NAV2: variants seen among roughly 807,000 people sequenced by gnomAD.
The protein encoded by NAV2 is neuron navigator 2, also known as helicase, APC down-regulated 1.
In NAV2, 54 loss-of-function variants were observed where a neutral mutation model predicts 223.2. The observed-to-expected ratio is 0.24, with a 90% CI of 0.19 to 0.30. The LOEUF (loss-of-function observed/expected upper bound fraction) is 0.30. Ranked by LOEUF, NAV2 falls within the 10% of genes least tolerant of loss-of-function variation. The pLI, the probability that NAV2 is intolerant of heterozygous loss-of-function variation, is 1.00. For synonymous variants in NAV2, 1,279 were observed against 1,239.3 expected (o/e 1.03, Z -0.67); for missense variants, 2,806 against 3,147.5 (o/e 0.89, Z 2.60).
chr11:19,780,599 A>G (rs2152675083), intron 1 of NAV2, among the ~76,000 whole-genome samples: 1 of 152,388 alleles, frequency 6.6e-6, no homozygotes, highest in East Asian at 1.9e-4. Flanking sequence ...GCCTTGTGAC[A>G]TGGGCCAGTT....
At chr11:19,680,440 G>GT (rs2048851756) in intron 1 of NAV2, among the ~76,000 whole-genome samples, 1 of 152,074 alleles carries the variant, frequency 6.6e-6, no homozygotes, top group African/African-American at 2.4e-5. Context: ...CTCCTCTCCA[G>GT]TTTTTAAATA....
intron 1 of NAV2, among the ~76,000 whole-genome samples, chr11:19,675,683 G>A (rs1022696614): frequency 6.6e-6 from 1 of 152,186 alleles, no homozygotes; most frequent in Non-Finnish European, 1.5e-5. Context: ...TTTGTACAGT[G>A]TGTGAGCTGT....
At chr11:19,501,977 T>G (rs1236816798) in intron 1 of NAV2, among the ~76,000 whole-genome samples, 1 of 152,144 alleles carries the variant, frequency 6.6e-6, no homozygotes, top group Non-Finnish European at 1.5e-5. Context: ...GCATTGTAAG[T>G]GAACAGTCGA....
At chr11:19,582,694 C>A (rs1007338696) in intron 1 of NAV2, among the ~76,000 whole-genome samples, 2 of 152,094 alleles carry the variant, frequency 1.3e-5, no homozygotes, top group East Asian at 3.9e-4. Flanking sequence ...GGCATTATTT[C>A]TGAGGGCTCT....
rs965782629 is a variant in NAV2 at position 19,935,702 on chromosome 11, G to T, written c.2033+1425G>T. Among the ~76,000 whole-genome samples, 3 of 151,880 alleles carry T rather than the reference G, an allele frequency of 2.0e-5. No homozygotes were observed. The South Asian group carries it at 6.2e-4, about 32-fold the overall frequency. The stretch of plus-strand genomic sequence containing the variant: ...TTTGTTCTGCTTGCATTCTCCTTCA[G>T]TGAGGGTCATACCAATCTTTTTAAT... On this transcript the variant is annotated intron_variant, in intron 7 of 37. Coordinates refer to ENST00000349880, the MANE Select transcript of NAV2 (RefSeq NM_145117.5).
intron 1 of NAV2, among the ~76,000 whole-genome samples, chr11:19,593,312 C>G: frequency 6.6e-6 from 1 of 152,094 alleles, no homozygotes; most frequent in East Asian, 1.9e-4. Flanking sequence ...GAGATCCATT[C>G]AGGTTGTCTG....
At chr11:19,385,753 C>CCTTTTTTTT (rs1849009774) in intron 1 of NAV2, among the ~76,000 whole-genome samples, 1 of 112,770 alleles carries the variant, frequency 8.9e-6, no homozygotes, top group African/African-American at 3.8e-5. Flanking sequence ...AATATAGCTC[C>CCTTTTTTTT]TTTTTTTTTT....
At chr11:19,471,899 C>T (rs2041977559) in intron 1 of NAV2, among the ~76,000 whole-genome samples, 1 of 152,178 alleles carries the variant, frequency 6.6e-6, no homozygotes, top group Admixed American at 6.5e-5. Flanking sequence ...CTCCCTCCTA[C>T]CTGGGCCTTC....
rs758314788 is a variant in NAV2, at chr11:20,118,126, C to T, written c.7165-7C>T. 35 of 1,613,662 alleles carry T rather than the reference C, an allele frequency of 2.2e-5. No homozygotes were observed. The African/African-American group carries it at 3.9e-4, about 18-fold the overall frequency. On this transcript the variant is annotated splice_region_variant and splice_polypyrimidine_tract_variant and intron_variant, in intron 37 of 37. Coordinates refer to ENST00000349880, the MANE Select transcript of NAV2 (RefSeq NM_145117.5). Reference sequence around the variant, plus strand: ...AAGCAGCTCATGCTTCTCCACTCTTCCCCTAGATGAACATGCTGATGAGGC... The same window carrying T: ...AAGCAGCTCATGCTTCTCCACTCTTTCCCTAGATGAACATGCTGATGAGGC...
intron 20 of NAV2, among the ~76,000 whole-genome samples, chr11:20,064,518 G>A (rs571807145): frequency 6.6e-6 from 1 of 152,224 alleles, no homozygotes; most frequent in East Asian, 1.9e-4. Context: ...ATGGGAGACT[G>A]GCCAGCATTA....
chr11:19,823,758 C>T (rs535179327), intron 1 of NAV2, among the ~76,000 whole-genome samples: 40 of 152,100 alleles, frequency 2.6e-4, no homozygotes, highest in African/African-American at 6.8e-4. Context: ...TCCCTGGGGC[C>T]GGGGCCTGTC....
intron 1 of NAV2, among the ~76,000 whole-genome samples, chr11:19,463,218 G>A (rs1852226909): frequency 6.6e-6 from 1 of 152,192 alleles, no homozygotes; most frequent in South Asian, 2.1e-4. Context: ...TATTTAATGG[G>A]TCCTAAATAA....
intron 1 of NAV2, among the ~76,000 whole-genome samples, chr11:19,544,032 T>G (rs895018051): frequency 1.3e-5 from 2 of 152,270 alleles, no homozygotes; most frequent in Non-Finnish European, 2.9e-5. Context: ...TGATTTGCAC[T>G]GTATTCATTC....
intron 1 of NAV2, among the ~76,000 whole-genome samples, chr11:19,679,841 A>G (rs557937434): frequency 6.6e-6 from 1 of 152,348 alleles, no homozygotes; most frequent in Non-Finnish European, 1.5e-5. Context: ...CCAGTATCTA[A>G]CATAGAACTT....
chr11:19,524,923 A>T (rs1054342226), intron 1 of NAV2, among the ~76,000 whole-genome samples: 3 of 152,142 alleles, frequency 2.0e-5, no homozygotes, highest in Non-Finnish European at 4.4e-5. Context: ...GGCATATAAG[A>T]TCAGTGTTGT....
intron 22 of NAV2, among the ~76,000 whole-genome samples, chr11:20,075,859 A>G (rs1166211153): frequency 6.7e-6 from 1 of 149,216 alleles, no homozygotes; most frequent in African/African-American, 2.5e-5. Context: ...CAGCATGATC[A>G]AATCTCACAT....
At chr11:19,411,690 G>T (rs2133397990) in intron 1 of NAV2, among the ~76,000 whole-genome samples, 1 of 152,234 alleles carries the variant, frequency 6.6e-6, no homozygotes, top group South Asian at 2.1e-4. Flanking sequence ...TGTTGGATCT[G>T]CCCTACTTGG....
Position 19,771,015 on chromosome 11 carries a change from G to C in NAV2, c.267+57053G>C, listed in dbSNP as rs185102495. 4.3e-3 allele frequency among the ~76,000 whole-genome samples: 658 copies of C among 152,238 alleles called. 5 individuals carry two copies. The highest frequency in any genetic ancestry group is 0.011 in the Admixed American group (174 of 15,308). The stretch of plus-strand genomic sequence containing the variant: ...TACATTTTTGATGGTACAGTGGAAA[G>C]GGGTCTATCTAGGGGACTCAGATTC... On this transcript the variant is annotated intron_variant, in intron 1 of 37. Transcript: ENST00000349880.
chr11:20,118,793 G>T lies in NAV2; in HGVS notation c.*535G>T, dbSNP rs751048262. The T allele has an allele frequency of 1.5e-4, 25 of 163,978 alleles. No homozygotes were observed. Among genetic ancestry groups the T allele is most frequent in the Admixed American group, 3.8e-4 (6 of 15,866 alleles). 10.2% of individuals were successfully genotyped at this position (163,978 alleles called of 1,614,324 possible). A position where few individuals can be genotyped will look rare whatever the true frequency, so the allele number is the denominator to read the frequency against. On this transcript the variant is annotated 3_prime_UTR_variant, in exon 38 of 38. Coordinates refer to ENST00000349880, the MANE Select transcript of NAV2 (RefSeq NM_145117.5). ...ACAGGGAGAACTGGTGCTAACCAGG[G>T]TGCTTGCTTTGGTCACGTTCAACGC...
Sources: allele counts gnomAD v4.1 joint callset (sites outside exome capture counted in the v4.1 genomes callset), GRCh38; gene constraint gnomAD v4.1.1; transcripts MANE v1.5; gene names NCBI Gene and HGNC (gene_info 2026-07-23, HGNC 2026-07-21).